Variants in KCNT2 observed in about 807,000 individuals in gnomAD.
KCNT2 encodes the protein potassium channel subfamily T member 2.
A neutral mutation model predicts 153.8 loss-of-function variants in KCNT2; 67 were observed. The observed-to-expected ratio is 0.44, with a 90% CI of 0.36 to 0.53. The LOEUF is 0.53. Ranked by LOEUF, KCNT2 falls within the 20% of genes least tolerant of loss-of-function variation. KCNT2 has a pLI of 0.00. For missense variants in KCNT2, 975 were observed against 1,354.8 expected (o/e 0.72, Z 4.40); for synonymous variants, 500 against 458.8 (o/e 1.09, Z -1.15).
chr1:196,299,634 G>A (rs1181688663), intron 22 of KCNT2, among the ~76,000 whole-genome samples: 2 of 152,016 alleles, frequency 1.3e-5, no homozygotes, highest in African/African-American at 4.8e-5. Context: ...AAACGGGAAC[G>A]CTTATAACTG....
chr1:196,385,618 G>A lies in KCNT2; in HGVS notation c.1295-12370C>T, dbSNP rs538837139. Among the ~76,000 whole-genome samples the A allele has an allele frequency of 4.0e-5, 6 of 151,876 alleles. 1 individual carries two copies. The South Asian group carries it at 1.2e-3, about 32-fold the overall frequency. ...AAAATTAAACAAAAAATACAAGAAT[G>A]TACAACTCTGTGTAATAAATAAAGA... On this transcript the variant is annotated intron_variant, in intron 13 of 27. Transcript: ENST00000294725.
At position 196,228,339 on chromosome 1, in the gene KCNT2, A is replaced by C; in HGVS notation, c.3297-4T>G. 1.3e-6 allele frequency: 2 copies of C among 1,518,446 alleles called. No homozygotes were observed. Among genetic ancestry groups the C allele is most frequent in the Non-Finnish European group, 1.8e-6 (2 of 1,099,494 alleles). The allele number at this position is 1,518,446 out of a possible 1,614,324, so 94.1% of individuals were successfully genotyped here. A position where few individuals can be genotyped will look rare whatever the true frequency, so the allele number is the denominator to read the frequency against. The stretch of plus-strand genomic sequence containing the variant: ...TGGATCTGGTCGAATTAAGTATCTA[A>C]TAAAAGAAAACAAAATAAATAACTT... On this transcript the variant is annotated splice_polypyrimidine_tract_variant and splice_region_variant and intron_variant, in intron 27 of 27. Coordinates refer to ENST00000294725, the MANE Select transcript of KCNT2 (RefSeq NM_198503.5).
chr1:196,276,167 A>G (rs1161373010), intron 25 of KCNT2, among the ~76,000 whole-genome samples: 1 of 151,750 alleles, frequency 6.6e-6, no homozygotes, highest in Non-Finnish European at 1.5e-5. Context: ...CATATATTCC[A>G]CTACCTTTGC....
intron 1 of KCNT2, among the ~76,000 whole-genome samples, chr1:196,587,712 T>C (rs1253740993): frequency 2.0e-5 from 3 of 152,100 alleles, no homozygotes; most frequent in Admixed American, 6.6e-5. Flanking sequence ...TCTTCTGTTT[T>C]AATGAAAAGA....
In KCNT2 at chr1:196,595,500, G is replaced by A. The variant is rs143679203; in HGVS notation, c.95+12715C>T. 4.9e-3 allele frequency among the ~76,000 whole-genome samples: 737 copies of A among 151,786 alleles called. 3 individuals are homozygous for A. Among genetic ancestry groups the A allele is most frequent in the African/African-American group, 0.016 (672 of 41,364 alleles). ...AGGGGGCTGGTTCCAGGACCCCTGG[G>A]GATACTAAAATCCACAAATGCTCAA... On this transcript the variant is annotated intron_variant, in intron 1 of 27. Transcript: ENST00000294725.
At chr1:196,484,296 A>G (rs539203695) in intron 3 of KCNT2, among the ~76,000 whole-genome samples, 24 of 151,978 alleles carry the variant, frequency 1.6e-4, no homozygotes, top group Non-Finnish European at 3.4e-4. Context: ...TTTTTTCAAT[A>G]TGTTCATTGG....
intron 25 of KCNT2, among the ~76,000 whole-genome samples, chr1:196,271,453 T>A (rs889463523): frequency 5.3e-5 from 8 of 152,012 alleles, no homozygotes; most frequent in Admixed American, 1.3e-4. Flanking sequence ...CAGAAAGCCA[T>A]GACTACGTAG....
intron 19 of KCNT2, among the ~76,000 whole-genome samples, chr1:196,325,102 T>C (rs575325651): frequency 1.1e-4 from 16 of 152,212 alleles, no homozygotes; most frequent in African/African-American, 2.6e-4. Context: ...TCTCTGTTCA[T>C]AGAGTGAACT....
intron 1 of KCNT2, among the ~76,000 whole-genome samples, chr1:196,547,229 G>C (rs529800843): frequency 6.6e-6 from 1 of 152,034 alleles, no homozygotes; most frequent in East Asian, 1.9e-4. Flanking sequence ...CAGGGTGGGA[G>C]ATACTGTTGC....
At chr1:196,281,537 G>A (rs915234362) in intron 24 of KCNT2, among the ~76,000 whole-genome samples, 1 of 152,126 alleles carries the variant, frequency 6.6e-6, no homozygotes, top group Non-Finnish European at 1.5e-5. Flanking sequence ...AAGATGAATA[G>A]TAGAATAAGC....
chr1:196,228,193 T>C lies in KCNT2; in HGVS notation c.*31A>G, dbSNP rs1653635143. The C allele has an allele frequency of 2.9e-6, 4 of 1,368,534 alleles. No individual in the cohort carries two copies. Among genetic ancestry groups the C allele is most frequent in the Non-Finnish European group, 4.2e-6 (4 of 961,966 alleles). The allele number at this position is 1,368,534 out of a possible 1,614,324, so 84.8% of individuals were successfully genotyped here. ...CTTTTGTGGTTTCAAGCAAGGTCTT[T>C]GTAGGAAAAAAGTTTCTCATTTTAT... On this transcript the variant is annotated 3_prime_UTR_variant, in exon 28 of 28. Transcript: ENST00000294725.
chr1:196,518,544 A>T (rs1472884868), intron 1 of KCNT2, among the ~76,000 whole-genome samples: 1 of 151,956 alleles, frequency 6.6e-6, no homozygotes, highest in Non-Finnish European at 1.5e-5. Context: ...CTCATATGCA[A>T]TGACACTGAT....
At chr1:196,278,294 G>T (rs917422100) in intron 25 of KCNT2, among the ~76,000 whole-genome samples, 18 of 152,112 alleles carry the variant, frequency 1.2e-4, no homozygotes, top group African/African-American at 4.3e-4. Context: ...GTTGTAAAAA[G>T]TGCTTGATGT....
At chr1:196,404,546 C>T (rs1671675041) in intron 12 of KCNT2, among the ~76,000 whole-genome samples, 1 of 151,516 alleles carries the variant, frequency 6.6e-6, no homozygotes, top group African/African-American at 2.4e-5. Flanking sequence ...CACCTAGGAC[C>T]ATTTGCCAAG....
In KCNT2 at chr1:196,330,143, G is replaced by C. The variant is rs534680824; in HGVS notation, c.2103+1013C>G. 6.6e-5 allele frequency among the ~76,000 whole-genome samples: 10 copies of C among 150,398 alleles called. No homozygotes were observed. In the South Asian group the frequency reaches 1.5e-3, roughly 22 times the overall value. The stretch of plus-strand genomic sequence containing the variant: ...GGCAAAGATTCTCAAAGCAACTTCA[G>C]GGAAACAAAGGCAGGAATTTTCTAA... On this transcript the variant is annotated intron_variant, in intron 18 of 27. Coordinates refer to ENST00000294725, the MANE Select transcript of KCNT2 (RefSeq NM_198503.5).
At chr1:196,546,246 T>G (rs1242387911) in intron 1 of KCNT2, among the ~76,000 whole-genome samples, 1 of 152,150 alleles carries the variant, frequency 6.6e-6, no homozygotes, top group African/African-American at 2.4e-5. Flanking sequence ...TTCTTGATGA[T>G]GTACTTTGAA....
chr1:196,226,802 T>C lies in KCNT2; in HGVS notation c.*1422A>G, dbSNP rs146118338. On this transcript the variant is annotated 3_prime_UTR_variant, in exon 28 of 28. Transcript: ENST00000294725. ...AAAAAAGTCCCTTTCTAGTTTTATA[T>C]GTATTTTTTGTTGTTGCTGAATTAA... 2 of 152,030 alleles carry C rather than the reference T, an allele frequency of 1.3e-5. No homozygotes were observed. The highest frequency in any genetic ancestry group is 4.8e-5 in the African/African-American group (2 of 41,460). The allele number at this position is 152,030 out of a possible 1,614,324, so 9.4% of individuals were successfully genotyped here. A position where few individuals can be genotyped will look rare whatever the true frequency, so the allele number is the denominator to read the frequency against.
At chr1:196,402,028 GA>G (rs996993370) in intron 12 of KCNT2, among the ~76,000 whole-genome samples, 1 of 151,188 alleles carries the variant, frequency 6.6e-6, no homozygotes, top group Non-Finnish European at 1.5e-5. Flanking sequence ...TAGAATGAAG[GA>G]AAAAAACTAT....
intron 1 of KCNT2, among the ~76,000 whole-genome samples, chr1:196,510,466 G>T (rs1180592433): frequency 6.6e-6 from 1 of 152,028 alleles, no homozygotes; most frequent in African/African-American, 2.4e-5. Flanking sequence ...CTTTATATTT[G>T]TTATTACATA....
Sources: gnomAD v4.1 joint callset for allele counts (sites outside exome capture counted in the v4.1 genomes callset) on GRCh38, gnomAD v4.1.1 for gene constraint, MANE v1.5 for transcripts, NCBI Gene and HGNC (gene_info 2026-07-23, HGNC 2026-07-21) for gene names.